CTDSPL: variants seen among roughly 807,000 people sequenced by gnomAD.
The protein encoded by CTDSPL is CTD small phosphatase like, also known as CTD small phosphatase-like protein.
CTDSPL carries 8 observed loss-of-function variants against 30.5 expected under a neutral mutation model. That is an observed-to-expected ratio of 0.26 (90% confidence interval 0.15 to 0.47). CTDSPL has a LOEUF of 0.47. Ranked by LOEUF, CTDSPL falls within the 20% of genes least tolerant of loss-of-function variation. The pLI is 0.99. For synonymous variants in CTDSPL, 110 were observed against 137.9 expected (o/e 0.80, Z 1.42); for missense variants, 248 against 366.1 (o/e 0.68, Z 2.63).
chr3:37,961,336 A>G (rs1699242979), intron 3 of CTDSPL, among the ~76,000 whole-genome samples: 1 of 152,220 alleles, frequency 6.6e-6, no homozygotes, highest in Non-Finnish European at 1.5e-5. Flanking sequence ...TTAGGAAAAG[A>G]TGCAGAGGGA....
At chr3:37,958,954 T>C (rs957936961) in intron 3 of CTDSPL, among the ~76,000 whole-genome samples, 6 of 152,240 alleles carry the variant, frequency 3.9e-5, no homozygotes, top group African/African-American at 1.4e-4. Flanking sequence ...CTGCAAAATC[T>C]GCACCTACCT....
chr3:37,901,684 T>C (rs1450376295), intron 1 of CTDSPL, among the ~76,000 whole-genome samples: 5 of 152,156 alleles, frequency 3.3e-5, no homozygotes, highest in African/African-American at 1.2e-4. Flanking sequence ...TACCATCCAA[T>C]GGAAATATGC....
chr3:37,964,945 C>T lies in CTDSPL; in HGVS notation c.369+273C>T, dbSNP rs148150678. On this transcript the variant is annotated intron_variant, in intron 4 of 7. Coordinates refer to ENST00000273179, the MANE Select transcript of CTDSPL (RefSeq NM_001008392.2). ...GCATTTTCCAATGCTGTAACCGCTG[C>T]AGAAATACTTTTCAGGTGGCACAAG... is the stretch of plus-strand genomic sequence containing the variant. Among the ~76,000 whole-genome samples the T allele has an allele frequency of 1.2e-4, 18 of 152,240 alleles. No individual in the cohort carries two copies. In the East Asian group the frequency reaches 3.5e-3, roughly 29 times the overall value.
chr3:37,936,293 A>T (rs1361254720), intron 1 of CTDSPL, among the ~76,000 whole-genome samples: 2 of 152,170 alleles, frequency 1.3e-5, no homozygotes, highest in Non-Finnish European at 2.9e-5. Flanking sequence ...AGAAGGACTG[A>T]CTGGGTATCT....
At chr3:37,899,821 C>CT (rs1239563063) in intron 1 of CTDSPL, among the ~76,000 whole-genome samples, 1 of 152,160 alleles carries the variant, frequency 6.6e-6, no homozygotes, top group African/African-American at 2.4e-5. Context: ...TGTAATTATA[C>CT]TTTTTGAACT....
At chr3:37,946,997 A>G in intron 1 of CTDSPL, 60 bp from the exon 2 acceptor site, 1 of 1,538,926 alleles carries the variant, frequency 6.5e-7, no homozygotes, top group Non-Finnish European at 8.8e-7. Context: ...TTTTTGCATT[A>G]TATTACAACT....
intron 4 of CTDSPL, among the ~76,000 whole-genome samples, chr3:37,966,556 T>G (rs1699300739): frequency 6.6e-6 from 1 of 152,164 alleles, no homozygotes; most frequent in African/African-American, 2.4e-5. Context: ...TCCTTCAGTC[T>G]TTCCTTTTGT....
intron 2 of CTDSPL, chr3:37,954,789 G>C (rs1009214755): frequency 6.6e-6 from 1 of 152,292 alleles, no homozygotes; most frequent in African/African-American, 2.4e-5. Flanking sequence ...GCTGGGAGGA[G>C]TCAGCACCCC....
At chr3:37,902,130 G>A (rs1383128428) in intron 1 of CTDSPL, among the ~76,000 whole-genome samples, 3 of 152,296 alleles carry the variant, frequency 2.0e-5, no homozygotes, top group East Asian at 1.9e-4. Flanking sequence ...ATGTCTCATC[G>A]TCACCTATCT....
chr3:37,877,390 C>A (rs62239962), intron 1 of CTDSPL, among the ~76,000 whole-genome samples: 8,985 of 152,270 alleles, frequency 0.059, 299 homozygotes, highest in African/African-American at 0.082. Flanking sequence ...ACTTAGCATA[C>A]TGCCCTCAAG....
In CTDSPL at chr3:37,862,345, G is replaced by T; in HGVS notation, c.79+67G>T. On this transcript the variant is annotated intron_variant, in intron 1 of 7. Transcript: ENST00000273179. The surrounding 1 kb of genome is among the most constrained non-coding windows in gnomAD (Gnocchi z 4.3). ...ACACCCCGCGCCGCTGGAGTTCACT[G>T]CCGGGCGCCGGCATGGGCCTGGGGG... 7.5e-7 allele frequency: 1 copy of T among 1,338,860 alleles called. No individual in the cohort carries two copies. Among genetic ancestry groups the T allele is most frequent in the South Asian group, 1.6e-5 (1 of 62,632 alleles). The allele number at this position is 1,338,860 out of a possible 1,614,324, so 82.9% of individuals were successfully genotyped here. A position where few individuals can be genotyped will look rare whatever the true frequency, so the allele number is the denominator to read the frequency against.
chr3:37,939,938 A>G (rs11714147), intron 1 of CTDSPL, among the ~76,000 whole-genome samples: 4 of 149,828 alleles, frequency 2.7e-5, no homozygotes, highest in African/African-American at 9.7e-5. Context: ...CTAAAAATAC[A>G]AAAATTAGCC....
chr3:37,942,091 C>T (rs188628078), intron 1 of CTDSPL, among the ~76,000 whole-genome samples: 1 of 150,356 alleles, frequency 6.7e-6, no homozygotes, highest in African/African-American at 2.4e-5. Context: ...CATGCAACCC[C>T]TCCCTTTTCC....
intron 1 of CTDSPL, among the ~76,000 whole-genome samples, chr3:37,921,498 A>G (rs1201810986): frequency 1.3e-5 from 2 of 152,130 alleles, no homozygotes; most frequent in African/African-American, 4.8e-5. Context: ...CTAGTTTGAG[A>G]GTTCCCTGAG....
chr3:37,887,328 A>G (rs78421277), intron 1 of CTDSPL, among the ~76,000 whole-genome samples: 1,782 of 152,240 alleles, frequency 0.012, 36 homozygotes, highest in African/African-American at 0.04. Context: ...AACCAAACCC[A>G]AACTGTCTGC....
At chr3:37,914,711 C>T (rs1411236662) in intron 1 of CTDSPL, among the ~76,000 whole-genome samples, 1 of 151,892 alleles carries the variant, frequency 6.6e-6, no homozygotes, top group Non-Finnish European at 1.5e-5. Context: ...ATATTTTATT[C>T]GAGGCTTTGC....
chr3:37,942,085 C>G (rs944476949), intron 1 of CTDSPL, among the ~76,000 whole-genome samples: 1 of 150,290 alleles, frequency 6.7e-6, no homozygotes, highest in South Asian at 2.1e-4. Context: ...CTGGGACATG[C>G]AACCCCTCCC....
intron 1 of CTDSPL, among the ~76,000 whole-genome samples, chr3:37,928,212 G>T (rs1471055821): frequency 1.3e-5 from 2 of 152,114 alleles, no homozygotes; most frequent in African/African-American, 4.8e-5. Context: ...AGCTCTTCAG[G>T]ATTCTGTTTT....
At chr3:37,906,297 C>T (rs907975060) in intron 1 of CTDSPL, among the ~76,000 whole-genome samples, 3 of 152,324 alleles carry the variant, frequency 2.0e-5, no homozygotes, top group African/African-American at 7.2e-5. Context: ...CTCCACAGGG[C>T]GCTCTGTCTC....
Sources: gnomAD v4.1 joint callset for allele counts (sites outside exome capture counted in the v4.1 genomes callset) on GRCh38, gnomAD v4.1.1 for gene constraint, Gnocchi (gnomAD v3.1) non-coding constraint, MANE v1.5 for transcripts, NCBI Gene and HGNC (gene_info 2026-07-23, HGNC 2026-07-21) for gene names.